Variants in FBXO42 observed in about 807,000 individuals in gnomAD.
The protein encoded by FBXO42 is F-box only protein 42.
A neutral mutation model predicts 71.7 loss-of-function variants in FBXO42; 12 were observed. The ratio of observed to expected loss-of-function variants is 0.17; its 90% CI spans 0.11 to 0.27. The LOEUF is 0.27. Ranked by LOEUF, FBXO42 falls within the 10% of genes least tolerant of loss-of-function variation. The pLI is 1.00. For synonymous variants in FBXO42, 325 were observed against 327.5 expected, an observed-to-expected ratio of 0.99 and a Z score of 0.08; for missense variants, 707 against 911.9, an observed-to-expected ratio of 0.78 and a Z score of 2.89.
chr1:16,252,279 C>T lies in FBXO42; in HGVS notation c.1038+9G>A, dbSNP rs773494900. On this transcript the variant is annotated intron_variant, in intron 9 of 9. Transcript: ENST00000375592. This position sits in a 1 kb window ranked among gnomAD's most constrained non-coding sequence, Gnocchi z 4.4. The stretch of plus-strand genomic sequence containing the variant: ...TGTCCTCCTGCTAGCCTGTCAGCTC[C>T]CTGCTTACCCGGCAAGCTGGATGGC... The T allele has an allele frequency of 1.2e-6, 2 of 1,607,916 alleles. No homozygotes were observed. Among genetic ancestry groups the T allele is most frequent in the Admixed American group, 1.7e-5 (1 of 60,014 alleles).
At chr1:16,299,253 C>T (rs1028817747) in intron 3 of FBXO42, among the ~76,000 whole-genome samples, 11 of 152,008 alleles carry the variant, frequency 7.2e-5, no homozygotes, top group African/African-American at 1.7e-4. Context: ...CCTCGTGATC[C>T]GCCCGCCTCG....
intron 3 of FBXO42, among the ~76,000 whole-genome samples, chr1:16,302,271 G>A (rs762843304): frequency 9.9e-5 from 15 of 152,140 alleles, no homozygotes; most frequent in East Asian, 3.8e-4. Context: ...GGCCGGGTGC[G>A]GTAGCTCAAC....
At position 16,251,166 on chromosome 1, in the gene FBXO42, G is replaced by A; in HGVS notation, c.1658C>T (p.Pro553Leu). ...VASALAGAVSPGALRRSLEAI... is the reference protein window; with the variant it reads ...VASALAGAVSLGALRRSLEAI... ...TTCCAGACTCCGACGCAGGGCACCT[G>A]GGGAGACGGCCCCTGCAAGGGCACT... Residue 553 changes from proline to leucine, a missense_variant, in exon 10 of 10, where the codon CCA becomes CTA. Pro to Leu is a moderately conservative substitution (Grantham distance 98). This residue lies in a region of FBXO42 where 482 missense variants were observed against 587.1 expected (regional missense o/e 0.82). Transcript: ENST00000375592. The surrounding 1 kb of genome is among the most constrained non-coding windows in gnomAD (Gnocchi z 4.5). 1.2e-6 allele frequency: 2 copies of A among 1,614,162 alleles called. No individual in the cohort carries two copies. Among genetic ancestry groups the A allele is most frequent in the Non-Finnish European group, 1.7e-6 (2 of 1,180,038 alleles).
At chr1:16,350,758 A>AGAC (rs1247289623) in intron 1 of FBXO42, among the ~76,000 whole-genome samples, 5 of 30,300 alleles carry the variant, frequency 1.7e-4, no homozygotes, top group Non-Finnish European at 3.4e-4. Flanking sequence ...AAAAAAAAAA[A>AGAC]AAGAAAGAAA....
intron 3 of FBXO42, among the ~76,000 whole-genome samples, chr1:16,302,898 T>C (rs778152868): frequency 3.0e-4 from 45 of 152,070 alleles, no homozygotes; most frequent in Admixed American, 7.9e-4. Context: ...CATGATCCAG[T>C]CTCCTCCCAC....
chr1:16,266,662 G>C (rs764134572), intron 4 of FBXO42, among the ~76,000 whole-genome samples: 1 of 152,152 alleles, frequency 6.6e-6, no homozygotes, highest in South Asian at 2.1e-4. Context: ...GTGTGTATGG[G>C]GGGTGGGAAG....
intron 1 of FBXO42, among the ~76,000 whole-genome samples, chr1:16,319,673 GA>G (rs1348380972): frequency 6.6e-6 from 1 of 151,820 alleles, no homozygotes; most frequent in Non-Finnish European, 1.5e-5. Context: ...AGCACTTTGG[GA>G]AGCTTAGGCA....
intron 6 of FBXO42, among the ~76,000 whole-genome samples, chr1:16,255,388 G>A (rs1223026384): frequency 2.0e-5 from 3 of 150,850 alleles, no homozygotes; most frequent in Non-Finnish European, 4.4e-5. Context: ...AGGCTGGAAT[G>A]CAATGGGGTG....
intron 2 of FBXO42, among the ~76,000 whole-genome samples, chr1:16,313,659 G>A (rs1194663487): frequency 6.6e-6 from 1 of 152,200 alleles, no homozygotes; most frequent in Non-Finnish European, 1.5e-5. Flanking sequence ...GACTTTGGGA[G>A]TTGACAAGGA....
rs1033148667 is a variant in FBXO42 at position 16,352,448 on chromosome 1, T to C, written c.-211A>G. The C allele has an allele frequency of 2.1e-4, 84 of 398,070 alleles. No individual in the cohort carries two copies. Among genetic ancestry groups the C allele is most frequent in the African/African-American group, 9.3e-4 (45 of 48,532 alleles). 24.7% of individuals were successfully genotyped at this position (398,070 alleles called of 1,614,324 possible). ...ACTCAAACGCCGCCGCCGCCGCAGC[T>C]GCTGCTGCTCAGGCCGGGAGAAGAC... On this transcript the variant is annotated 5_prime_UTR_variant, in exon 1 of 10. Transcript: ENST00000375592.
intron 4 of FBXO42, among the ~76,000 whole-genome samples, chr1:16,271,968 G>A (rs1383148083): frequency 2.1e-5 from 3 of 144,722 alleles, no homozygotes; most frequent in South Asian, 2.2e-4. Context: ...GTGAAACCCC[G>A]TTTCTACCAA....
intron 1 of FBXO42, among the ~76,000 whole-genome samples, chr1:16,346,064 G>A (rs12043435): frequency 0.35 from 52,738 of 151,922 alleles, 10,748 homozygotes; most frequent in East Asian, 0.67. Flanking sequence ...TGGTGAGAAC[G>A]AAGTGTAAAA....
At chr1:16,286,604 TACTA>T (rs951576238) in intron 4 of FBXO42, among the ~76,000 whole-genome samples, 5 of 152,090 alleles carry the variant, frequency 3.3e-5, no homozygotes, top group East Asian at 3.8e-4. Context: ...CAAACTATAT[TACTA>T]ACTAATAGGC....
intron 1 of FBXO42, among the ~76,000 whole-genome samples, chr1:16,351,970 C>A (rs2082706192): frequency 6.6e-6 from 1 of 152,152 alleles, no homozygotes; most frequent in Admixed American, 6.6e-5. Context: ...TTGCCCGGGC[C>A]ACACACCCCT....
chr1:16,314,845 C>T (rs1040303199), intron 2 of FBXO42, among the ~76,000 whole-genome samples: 28 of 151,356 alleles, frequency 1.8e-4, no homozygotes, highest in African/African-American at 6.5e-4. Context: ...GATTGCGCCA[C>T]TGCACTCCAG....
chr1:16,318,443 T>G (rs116427200), intron 1 of FBXO42, among the ~76,000 whole-genome samples: 2,950 of 152,126 alleles, frequency 0.019, 78 homozygotes, highest in African/African-American at 0.068. Context: ...GTTGCCAAAA[T>G]AAGCCATTAT....
At chr1:16,281,473 T>G (rs1569854150) in intron 4 of FBXO42, among the ~76,000 whole-genome samples, 2 of 140,170 alleles carry the variant, frequency 1.4e-5, no homozygotes, top group Non-Finnish European at 1.6e-5. Flanking sequence ...TCTTTTTTTG[T>G]TTTTTTTTTT....
At chr1:16,255,337 C>CA (rs1557569390) in intron 6 of FBXO42, among the ~76,000 whole-genome samples, 1 of 144,892 alleles carries the variant, frequency 6.9e-6, no homozygotes, top group Non-Finnish European at 1.5e-5. Context: ...CCCTAACTTA[C>CA]TTTTTTTTTT....
At chr1:16,302,540 C>T (rs540948444) in intron 3 of FBXO42, among the ~76,000 whole-genome samples, 10 of 152,224 alleles carry the variant, frequency 6.6e-5, no homozygotes, top group African/African-American at 1.9e-4. Flanking sequence ...AACGGAGTCT[C>T]GCTCTGTTGC....
Sources: gnomAD v4.1 joint callset for allele counts (sites outside exome capture counted in the v4.1 genomes callset) on GRCh38, gnomAD v4.1.1 for gene constraint, gnomAD v4.1.1 regional missense constraint, Gnocchi (gnomAD v3.1) non-coding constraint, MANE v1.5 for transcripts, NCBI Gene and HGNC (gene_info 2026-07-23, HGNC 2026-07-21) for gene names.